Variants in RBPJ observed in about 807,000 individuals in gnomAD.
RBPJ encodes the protein recombination signal binding protein for immunoglobulin kappa J region, also known as recombining binding protein suppressor of hairless.
Under a neutral mutation model 67.8 loss-of-function variants are expected in RBPJ, and 9 were observed. That is an observed-to-expected ratio of 0.13 (90% CI 0.08 to 0.23). The LOEUF (loss-of-function observed/expected upper bound fraction) is 0.23. Among genes scored for constraint, RBPJ ranks in the 10% least tolerant of loss-of-function variants. RBPJ has a pLI of 1.00. For synonymous variants in RBPJ, 198 were observed against 203.3 expected, an observed-to-expected ratio of 0.97 and a Z score of 0.22; for missense variants, 305 against 595.6, an observed-to-expected ratio of 0.51 and a Z score of 5.08.
intron 5 of RBPJ, among the ~76,000 whole-genome samples, chr4:26,421,326 G>A (rs1735118726): frequency 6.7e-6 from 1 of 148,386 alleles, no homozygotes. Flanking sequence ...TTTTTGAGAT[G>A]GACTCTTACT....
At chr4:26,364,561 T>C (rs1728403323) in intron 1 of RBPJ, among the ~76,000 whole-genome samples, 1 of 151,510 alleles carries the variant, frequency 6.6e-6, no homozygotes, top group South Asian at 2.1e-4. Context: ...GTTTTTGATG[T>C]ACAGCTAGAT....
intron 1 of RBPJ, among the ~76,000 whole-genome samples, chr4:26,285,453 C>T (rs1721432744): frequency 6.6e-6 from 1 of 152,088 alleles, no homozygotes; most frequent in Non-Finnish European, 1.5e-5. Flanking sequence ...GAACAACTAT[C>T]TACATCCGGT....
chr4:26,288,681 A>T (rs1161704047), intron 1 of RBPJ, among the ~76,000 whole-genome samples: 1 of 152,236 alleles, frequency 6.6e-6, no homozygotes, highest in Non-Finnish European at 1.5e-5. Flanking sequence ...TTTAAACTAG[A>T]GTGGCTCAGC....
intron 1 of RBPJ, among the ~76,000 whole-genome samples, chr4:26,280,845 AC>A (rs1191122208): frequency 2.6e-5 from 4 of 152,134 alleles, no homozygotes; most frequent in Non-Finnish European, 5.9e-5. Flanking sequence ...TCTGGATAAA[AC>A]TTTTTTTTTC....
At chr4:26,166,198 A>G (rs1377611669) in intron 1 of RBPJ, among the ~76,000 whole-genome samples, 1 of 147,624 alleles carries the variant, frequency 6.8e-6, no homozygotes, top group Non-Finnish European at 1.5e-5. Flanking sequence ...GTGTCTTTAT[A>G]GCAGCATGAT....
chr4:26,365,948 T>C (rs1191309805), intron 1 of RBPJ, among the ~76,000 whole-genome samples: 1 of 152,264 alleles, frequency 6.6e-6, no homozygotes, highest in Non-Finnish European at 1.5e-5. Flanking sequence ...GTGATGGTTA[T>C]CAACTCATAG....
chr4:26,368,882 G>A (rs1370438341), intron 1 of RBPJ, among the ~76,000 whole-genome samples: 1 of 152,192 alleles, frequency 6.6e-6, no homozygotes. Context: ...AAAATGGGGG[G>A]TGACTGGGTG....
At chr4:26,366,543 G>C (rs555938935) in intron 1 of RBPJ, among the ~76,000 whole-genome samples, 2 of 152,144 alleles carry the variant, frequency 1.3e-5, no homozygotes, top group Non-Finnish European at 2.9e-5. Context: ...TTCTGCCCCA[G>C]CCTCCTGAGT....
upstream of RBPJ, among the ~76,000 whole-genome samples, chr4:26,316,534 T>TATATATATTC (rs1722634824): frequency 9.0e-6 from 1 of 110,582 alleles, no homozygotes; most frequent in African/African-American, 4.1e-5. Context: ...TATATATTCA[T>TATATATATTC]ATATATATTC....
At chr4:26,162,629 C>A (rs1190410150), upstream of RBPJ, among the ~76,000 whole-genome samples, 3 of 152,156 alleles carry the variant, frequency 2.0e-5, no homozygotes, top group Admixed American at 6.5e-5. Context: ...TACAGATGAA[C>A]AAATTGAGAC....
At chr4:26,249,642 C>G (rs1720034828) in intron 1 of RBPJ, among the ~76,000 whole-genome samples, 1 of 152,068 alleles carries the variant, frequency 6.6e-6, no homozygotes, top group Non-Finnish European at 1.5e-5. Context: ...GCCTGGGTGA[C>G]AGAGTGCGAC....
At chr4:26,319,872 A>C (rs1417878812), upstream of RBPJ, 2 of 1,577,454 alleles carry the variant, frequency 1.3e-6, no homozygotes, top group Non-Finnish European at 1.7e-6. Context: ...AAGGAGGGGA[A>C]AGATGGGGGG....
At chr4:26,109,440 CTCTCTCTCTCTCTCTCTCTCTATATA>C in the RBPJ span, among the ~76,000 whole-genome samples, 16 of 31,524 alleles carry the variant, frequency 5.1e-4, no homozygotes, top group African/African-American at 1.3e-3. Context: ...CTCTCTCTCT[CTCTCTCTCTCTCTCTCTCTCTATATA>C]TATATATATA....
chr4:26,282,757 G>T (rs1454154359), intron 1 of RBPJ, among the ~76,000 whole-genome samples: 1 of 151,824 alleles, frequency 6.6e-6, no homozygotes. Context: ...CTGACCTCAG[G>T]TGATCCACCC....
chr4:26,195,882 C>T (rs530459074), intron 1 of RBPJ, among the ~76,000 whole-genome samples: 39 of 152,314 alleles, frequency 2.6e-4, no homozygotes, highest in Non-Finnish European at 5.3e-4. Context: ...GCGTGAGCCA[C>T]CGCACCTGGC....
At chr4:26,318,934 T>C (rs911716708), upstream of RBPJ, among the ~76,000 whole-genome samples, 1 of 144,226 alleles carries the variant, frequency 6.9e-6, no homozygotes, top group African/African-American at 2.5e-5. Flanking sequence ...GAGGCGGAGC[T>C]TGCAGTGAGC....
intron 1 of RBPJ, among the ~76,000 whole-genome samples, chr4:26,240,261 A>C (rs1397056323): frequency 6.6e-6 from 1 of 152,236 alleles, no homozygotes; most frequent in African/African-American, 2.4e-5. Context: ...TTTTCATTTA[A>C]CAACTCTACT....
chr4:26,230,380 A>C (rs1719236921), intron 1 of RBPJ, among the ~76,000 whole-genome samples: 1 of 152,220 alleles, frequency 6.6e-6, no homozygotes, highest in African/African-American at 2.4e-5. Flanking sequence ...TCTAACTCTT[A>C]TGCAGTAGAT....
At chr4:26,165,569 G>T (rs1225593025) in intron 1 of RBPJ, among the ~76,000 whole-genome samples, 2 of 152,144 alleles carry the variant, frequency 1.3e-5, no homozygotes, top group African/African-American at 2.4e-5. Context: ...AGGGAAGGGG[G>T]AGGGAAACTA....
Sources: allele counts gnomAD v4.1 joint callset (sites outside exome capture counted in the v4.1 genomes callset), GRCh38; gene constraint gnomAD v4.1.1; transcripts MANE v1.5; gene names NCBI Gene and HGNC (gene_info 2026-07-23, HGNC 2026-07-21).